The following NMB variants were observed in gnomAD, a reference collection of about 807,000 sequenced individuals.
NMB encodes neuromedin-B.
NMB carries 12 observed loss-of-function variants against 11.7 expected under a neutral mutation model. The observed-to-expected ratio is 1.03, with a 90% CI of 0.66 to 1.66. NMB has a LOEUF of 1.66. Among genes scored for constraint, NMB ranks in the 40% most tolerant of loss-of-function variants. NMB has a pLI of 0.00. For missense variants in NMB, 174 were observed against 157.9 expected, an observed-to-expected ratio of 1.10 and a Z score of -0.55; for synonymous variants, 76 against 72.6, an observed-to-expected ratio of 1.05 and a Z score of -0.24.
intron 1 of NMB, 151 bp from the exon 2 acceptor site, chr15:84,657,499 C>T (rs1896799600): frequency 1.3e-6 from 1 of 754,860 alleles, no homozygotes; most frequent in East Asian, 3.2e-5. Flanking sequence ...CAAGGAGCCA[C>T]AAAGGTGTCT....
Position 84,655,397 on chromosome 15 carries a change from G to A in NMB, c.343C>T (p.Leu115=). 6.2e-7 allele frequency: 1 copy of A among 1,614,060 alleles called. No individual in the cohort carries two copies. Among genetic ancestry groups the A allele is most frequent in the South Asian group, 1.1e-5 (1 of 91,076 alleles). The change falls in exon 3 of 3, where the codon CTG becomes TTG. Residue 115 remains leucine (L), a synonymous_variant. Transcript: ENST00000360476. Reference sequence around the variant, plus strand: ...TGTCATTTCTGCAGTATTTGTACCAGCAGCCTCCTGTACTGAAGAGAAACA... The same window carrying A: ...TGTCATTTCTGCAGTATTTGTACCAACAGCCTCCTGTACTGAAGAGAAACA... ...PAPQIQYRRL[L]VQILQK
At position 84,658,191 on chromosome 15, in the gene NMB, C is replaced by A; in HGVS notation, c.-39G>T. ...CCGCGGCTTCGTTCGGGCGCGCTTC[C>A]CGGCCGCTGGGCTCCGGGGCTGCCT... On this transcript the variant is annotated 5_prime_UTR_variant, in exon 1 of 3. Coordinates refer to ENST00000360476, the MANE Select transcript of NMB (RefSeq NM_021077.4). The A allele has an allele frequency of 7.0e-7, 1 of 1,418,884 alleles. No homozygotes were observed. Among genetic ancestry groups the A allele is most frequent in the Non-Finnish European group, 9.1e-7 (1 of 1,100,546 alleles). 87.9% of individuals were successfully genotyped at this position (1,418,884 alleles called of 1,614,324 possible).
At chr15:84,656,538 T>G (rs1403819428) in intron 2 of NMB, among the ~76,000 whole-genome samples, 2 of 149,168 alleles carry the variant, frequency 1.3e-5, no homozygotes, top group Admixed American at 1.4e-4. Flanking sequence ...GCATCTAGTA[T>G]GTAGAGACCA....
intron 2 of NMB, among the ~76,000 whole-genome samples, chr15:84,656,243 T>G (rs1237007965): frequency 6.6e-6 from 1 of 151,992 alleles, no homozygotes; most frequent in Non-Finnish European, 1.5e-5. Flanking sequence ...CACGTTGTAG[T>G]CAAAACCCAC....
intron 1 of NMB, 90 bp from the exon 2 acceptor site, chr15:84,657,438 C>T: frequency 2.4e-6 from 3 of 1,233,478 alleles, no homozygotes; most frequent in South Asian, 1.8e-5. Context: ...CGTTTCCGTT[C>T]TTGTAGCGGG....
intron 2 of NMB, among the ~76,000 whole-genome samples, chr15:84,655,919 G>T (rs1896774303): frequency 6.6e-6 from 1 of 152,168 alleles, no homozygotes; most frequent in South Asian, 2.1e-4. Flanking sequence ...GTTGGTTGAG[G>T]CTGGGTTGGA....
Position 84,658,191 on chromosome 15 carries a change from C to T in NMB, c.-39G>A, listed in dbSNP as rs2141854371. 7.0e-7 allele frequency: 1 copy of T among 1,418,884 alleles called. No homozygotes were observed. Among genetic ancestry groups the T allele is most frequent in the Non-Finnish European group, 9.1e-7 (1 of 1,100,546 alleles). 87.9% of individuals were successfully genotyped at this position (1,418,884 alleles called of 1,614,324 possible). A position where few individuals can be genotyped will look rare whatever the true frequency, so the allele number is the denominator to read the frequency against. On this transcript the variant is annotated 5_prime_UTR_variant, in exon 1 of 3. Transcript: ENST00000360476. ...CCGCGGCTTCGTTCGGGCGCGCTTC[C>T]CGGCCGCTGGGCTCCGGGGCTGCCT...
In NMB at chr15:84,657,230, G is replaced by T. The variant is rs1364595437; in HGVS notation, c.276C>A (p.Leu92=). ...LQLSHDLLGI[L]LLKKALGVSL... ...TCACGCCCAGAGCCTTCTTTAGCAG[G>T]AGGATTCCGAGCAGATCATGACTCA... The change falls in exon 2 of 3, where the codon CTC becomes CTA. Residue 92 remains leucine, a synonymous_variant. Transcript: ENST00000360476. 1.2e-6 allele frequency: 2 copies of T among 1,611,604 alleles called. No individual in the cohort carries two copies. Among genetic ancestry groups the T allele is most frequent in the Non-Finnish European group, 1.7e-6 (2 of 1,179,042 alleles).
intron 2 of NMB, among the ~76,000 whole-genome samples, chr15:84,656,685 C>G (rs1401533412): frequency 1.3e-5 from 2 of 151,882 alleles, no homozygotes; most frequent in African/African-American, 2.4e-5. Context: ...GGGAAGAGCT[C>G]CAGTCCAGGT....
In NMB at chr15:84,655,193, A is replaced by T. The variant is rs933659810; in HGVS notation, c.*181T>A. The T allele has an allele frequency of 1.3e-6, 2 of 1,482,162 alleles. No individual in the cohort carries two copies. The highest frequency in any genetic ancestry group is 1.4e-5 in the African/African-American group (1 of 70,976). 91.8% of individuals were successfully genotyped at this position (1,482,162 alleles called of 1,614,324 possible). ...GGGAAGCAGGAAATACAGCAGGAAC[A>T]TAATCTGTGTCTGCATCAGCGATAT... On this transcript the variant is annotated 3_prime_UTR_variant, in exon 3 of 3. Coordinates refer to ENST00000360476, the MANE Select transcript of NMB (RefSeq NM_021077.4).
chr15:84,657,033 C>T (rs1030825289), intron 2 of NMB, 143 bp downstream of exon 2: 4 of 710,682 alleles, frequency 5.6e-6, no homozygotes, highest in Non-Finnish European at 8.5e-6. Context: ...GCCTGGAAAC[C>T]TGGCTTTCTG....
At chr15:84,657,422 C>T in intron 1 of NMB, 74 bp from the exon 2 acceptor site, 2 of 1,320,124 alleles carry the variant, frequency 1.5e-6, no homozygotes, top group Non-Finnish European at 2.0e-6. Flanking sequence ...TTCCTCATCT[C>T]TCCCACGTTT....
In NMB at chr15:84,657,348, C is replaced by G. The variant is rs1252213809; in HGVS notation, c.158G>C (p.Gly53Ala). The G allele has an allele frequency of 6.7e-7, 1 of 1,503,384 alleles. No homozygotes were observed. Among genetic ancestry groups the G allele is most frequent in the African/African-American group, 1.4e-5 (1 of 70,456 alleles). The allele number at this position is 1,503,384 out of a possible 1,614,324, so 93.1% of individuals were successfully genotyped here. A position where few individuals can be genotyped will look rare whatever the true frequency, so the allele number is the denominator to read the frequency against. The change falls in exon 2 of 3, where the codon GGT becomes GCT. Residue 53 changes from glycine (G) to alanine (A), a missense_variant and splice_region_variant. Gly to Ala is a moderately conservative substitution (Grantham distance 60, BLOSUM62 0). Coordinates refer to ENST00000360476, the MANE Select transcript of NMB (RefSeq NM_021077.4). ...VHSRGNLWATGHFMGKKSLEP... is the reference protein window; with the variant it reads ...VHSRGNLWATAHFMGKKSLEP... ...CAGACTCTTCTTGCCCATGAAGTGACCTGGAAAGGAGGTGTCCAGGCACAA... is the reference window on the plus strand; with the variant it reads ...CAGACTCTTCTTGCCCATGAAGTGAGCTGGAAAGGAGGTGTCCAGGCACAA...
rs770747461 is a variant in NMB, at chr15:84,657,191, G to T, written c.315C>A (p.Pro105=). The T allele has an allele frequency of 6.2e-6, 10 of 1,611,338 alleles. No individual in the cohort carries two copies. The highest frequency in any genetic ancestry group is 8.5e-6 in the Non-Finnish European group (10 of 1,179,262). Residue 105 remains proline, a synonymous_variant, in exon 2 of 3, where the codon CCC becomes CCA. Transcript: ENST00000360476. ...KKALGVSLSR[P]APQIQYRRLL... is the part of the protein sequence containing the mutation. ...CCCGGCTCACCTGGATTTGGGGTGC[G>T]GGGCGGCTGAGGCTCACGCCCAGAG...
chr15:84,656,898 C>T (rs547006348), intron 2 of NMB, among the ~76,000 whole-genome samples: 1 of 152,172 alleles, frequency 6.6e-6, no homozygotes, highest in African/African-American at 2.4e-5. Context: ...CAGTCTGTTA[C>T]TTTAGACTGG....
At chr15:84,655,454 G>T (rs1304487256) in intron 2 of NMB, 45 bp from the exon 3 acceptor site, 1 of 1,610,202 alleles carries the variant, frequency 6.2e-7, no homozygotes, top group Non-Finnish European at 8.5e-7. Flanking sequence ...AGGGGCTCCT[G>T]ATAAAGATAG....
Position 84,658,049 on chromosome 15 carries a change from C to T in NMB, c.104G>A (p.Arg35His). 7 of 1,591,000 alleles carry T rather than the reference C, an allele frequency of 4.4e-6. No homozygotes were observed. The highest frequency in any genetic ancestry group is 1.7e-4 in the Middle Eastern group (1 of 5,988). ...CACTCGGATCTTGCTGGCTCGGCTG[C>T]GGGGCTCCGGGAGATCCCAGCTGAG... Reference protein sequence around the residue: ...APLSWDLPEPRSRASKIRVHS... With the variant: ...APLSWDLPEPHSRASKIRVHS... The change falls in exon 1 of 3, where the codon CGC becomes CAC. Residue 35 changes from arginine to histidine, a missense_variant. This residue lies in a region of NMB where 168 missense variants were observed against 138.4 expected (regional missense o/e 1.21). Coordinates refer to ENST00000360476, the MANE Select transcript of NMB (RefSeq NM_021077.4).
At chr15:84,655,898 A>G (rs1288607150) in intron 2 of NMB, among the ~76,000 whole-genome samples, 1 of 152,124 alleles carries the variant, frequency 6.6e-6, no homozygotes, top group Non-Finnish European at 1.5e-5. Flanking sequence ...GTGCCTCAGG[A>G]AGTCAGGGAT....
At chr15:84,655,480 C>G (rs1596059445) in intron 2 of NMB, 71 bp from the exon 3 acceptor site, 1 of 1,596,400 alleles carries the variant, frequency 6.3e-7, no homozygotes, top group South Asian at 1.1e-5. Context: ...TCCTGCCATT[C>G]CTAAGTGCCA....
Sources: gnomAD v4.1 joint callset for allele counts (sites outside exome capture counted in the v4.1 genomes callset) on GRCh38, gnomAD v4.1.1 for gene constraint, gnomAD v4.1.1 regional missense constraint, MANE v1.5 for transcripts, NCBI Gene and HGNC (gene_info 2026-07-23, HGNC 2026-07-21) for gene names.